Variants in XPR1 observed in about 807,000 individuals in gnomAD.
XPR1 encodes xenotropic and polytropic retrovirus receptor 1, also known as solute carrier family 53 member 1.
A neutral mutation model predicts 87.5 loss-of-function variants in XPR1; 28 were observed. The ratio of observed to expected loss-of-function variants is 0.32; its 90% CI spans 0.24 to 0.44. XPR1 has a LOEUF of 0.44. XPR1 is among the 20% of genes least tolerant of loss of function. The probability of loss-of-function intolerance (pLI) is 1.00; values close to 1 mark genes in which losing one functional copy is unlikely to be tolerated. For missense variants in XPR1, 559 were observed against 862.3 expected (o/e 0.65, Z 4.41); for synonymous variants, 300 against 306.1 (o/e 0.98, Z 0.21).
intron 13 of XPR1, among the ~76,000 whole-genome samples, chr1:180,876,339 T>G (rs1468446368): frequency 2.0e-5 from 3 of 152,124 alleles, no homozygotes; most frequent in Non-Finnish European, 4.4e-5. Flanking sequence ...GATTTAACAT[T>G]CAAAAATCAA....
chr1:180,855,595 T>C (rs1269275549), intron 11 of XPR1, among the ~76,000 whole-genome samples: 1 of 146,398 alleles, frequency 6.8e-6, no homozygotes, highest in African/African-American at 2.6e-5. Context: ...ACCCAGGAGG[T>C]AGAGGTTGCA....
chr1:180,790,929 GA>G (rs1172488691), intron 3 of XPR1, among the ~76,000 whole-genome samples: 3 of 152,124 alleles, frequency 2.0e-5, no homozygotes, highest in African/African-American at 7.2e-5. Flanking sequence ...TTCTCAAGAA[GA>G]AAGATAATTT....
intron 2 of XPR1, among the ~76,000 whole-genome samples, chr1:180,685,824 G>A (rs1183265047): frequency 2.4e-4 from 37 of 151,980 alleles, no homozygotes; most frequent in African/African-American, 7.5e-4. Flanking sequence ...CTGTGGGATC[G>A]GTGGTGATAT....
rs559610047 is a variant in XPR1 at position 180,667,995 on chromosome 1, G to A, written c.70-14365G>A. Among the ~76,000 whole-genome samples, 9 of 151,838 alleles carry A rather than the reference G, an allele frequency of 5.9e-5. No homozygotes were observed. In the East Asian group the frequency reaches 1.5e-3, roughly 26 times the overall value. On this transcript the variant is annotated intron_variant, in intron 1 of 14. Coordinates refer to ENST00000367590, the MANE Select transcript of XPR1 (RefSeq NM_004736.4). ...TCTCTTTTATTTCTCAGTCCATCCG[G>A]CTAAAGGTTTGTCAGTTTTGTTAAT...
At chr1:180,833,251 A>G (rs569653457) in intron 9 of XPR1, among the ~76,000 whole-genome samples, 2 of 152,350 alleles carry the variant, frequency 1.3e-5, no homozygotes, top group South Asian at 4.1e-4. Context: ...ATCGACAATT[A>G]TGAAGAAACT....
intron 2 of XPR1, among the ~76,000 whole-genome samples, chr1:180,765,279 A>G (rs963658640): frequency 1.3e-5 from 2 of 152,212 alleles, no homozygotes; most frequent in African/African-American, 4.8e-5. Flanking sequence ...TCCACAGTAT[A>G]GTCTGCCAAA....
intron 2 of XPR1, among the ~76,000 whole-genome samples, chr1:180,727,684 T>C (rs553777842): frequency 5.1e-4 from 77 of 151,902 alleles, no homozygotes; most frequent in Non-Finnish European, 1.0e-3. Context: ...CGAAAGAAAG[T>C]AAAGGAATGA....
chr1:180,655,154 A>G (rs755131519), intron 1 of XPR1, among the ~76,000 whole-genome samples: 1 of 152,074 alleles, frequency 6.6e-6, no homozygotes, highest in South Asian at 2.1e-4. Context: ...TAGTTTTGAT[A>G]TGCACTTCCC....
chr1:180,889,832 A>G lies in XPR1; in HGVS notation c.*5766A>G, dbSNP rs1046273185. 2 of 152,158 alleles carry G rather than the reference A, an allele frequency of 1.3e-5. No individual in the cohort carries two copies. The highest frequency in any genetic ancestry group is 2.4e-5 in the African/African-American group (1 of 41,420). The allele number at this position is 152,158 out of a possible 1,614,324, so 9.4% of individuals were successfully genotyped here. ...TCCCTCCACCACACTGTGTTGGTCA[A>G]ATGATACTATTCTATGAAACCCTGA... On this transcript the variant is annotated 3_prime_UTR_variant, in exon 15 of 15. Transcript: ENST00000367590.
intron 6 of XPR1, 97 bp downstream of exon 6, chr1:180,806,654 A>G: frequency 1.0e-6 from 1 of 995,292 alleles, no homozygotes; most frequent in South Asian, 1.9e-5. Flanking sequence ...TTTTCAGCCA[A>G]AGTTTATAAG....
chr1:180,642,125 T>C (rs553617383), intron 1 of XPR1, among the ~76,000 whole-genome samples: 4 of 152,332 alleles, frequency 2.6e-5, no homozygotes, highest in Admixed American at 2.6e-4. Context: ...TATTTAGTTA[T>C]GGTCACAAGT....
chr1:180,638,172 G>T (rs1047452537), intron 1 of XPR1, among the ~76,000 whole-genome samples: 4 of 151,778 alleles, frequency 2.6e-5, no homozygotes, highest in African/African-American at 9.7e-5. Context: ...AAATATTTTT[G>T]TACTGTTCAT....
At chr1:180,760,657 A>G (rs935567566) in intron 2 of XPR1, among the ~76,000 whole-genome samples, 17 of 152,214 alleles carry the variant, frequency 1.1e-4, no homozygotes, top group Non-Finnish European at 1.2e-4. Context: ...CATGGGTAGG[A>G]AGAATCAATA....
At chr1:180,748,749 C>T (rs1290743625) in intron 2 of XPR1, among the ~76,000 whole-genome samples, 2 of 151,866 alleles carry the variant, frequency 1.3e-5, no homozygotes, top group African/African-American at 4.8e-5. Flanking sequence ...TGGTGAAATA[C>T]TGTATAAAGA....
chr1:180,687,024 G>A (rs1395954583), intron 2 of XPR1, among the ~76,000 whole-genome samples: 1 of 152,060 alleles, frequency 6.6e-6, no homozygotes, highest in African/African-American at 2.4e-5. Context: ...TTAACAGTAA[G>A]TTTAGTTTTC....
chr1:180,774,380 CTATCT>C (rs1648629443), intron 2 of XPR1, among the ~76,000 whole-genome samples: 2 of 141,072 alleles, frequency 1.4e-5, no homozygotes, highest in Non-Finnish European at 3.0e-5. Flanking sequence ...TCTGTCTTTC[CTATCT>C]TTTTTTTTTT....
chr1:180,679,695 G>A (rs932201743), intron 1 of XPR1, among the ~76,000 whole-genome samples: 1 of 152,160 alleles, frequency 6.6e-6, no homozygotes, highest in African/African-American at 2.4e-5. Flanking sequence ...CTAATCTAGA[G>A]TGTGGTTTTG....
intron 7 of XPR1, among the ~76,000 whole-genome samples, chr1:180,815,241 A>C (rs1365088649): frequency 1.3e-5 from 2 of 151,804 alleles, no homozygotes; most frequent in African/African-American, 4.8e-5. Flanking sequence ...AATTGCTACA[A>C]TTTGAGGGTT....
chr1:180,879,425 T>C (rs181740099), intron 13 of XPR1, among the ~76,000 whole-genome samples: 1 of 152,328 alleles, frequency 6.6e-6, no homozygotes, highest in Non-Finnish European at 1.5e-5. Flanking sequence ...TGGGCCCTCT[T>C]CCACCCCTCC....
Sources: gnomAD v4.1 joint callset for allele counts (sites outside exome capture counted in the v4.1 genomes callset) on GRCh38, gnomAD v4.1.1 for gene constraint, MANE v1.5 for transcripts, NCBI Gene and HGNC (gene_info 2026-07-23, HGNC 2026-07-21) for gene names.